Variants in EXOC4 observed in about 807,000 individuals in gnomAD.
The protein encoded by EXOC4 is exocyst complex component 4, also known as SEC8-like 1.
EXOC4 carries 71 observed loss-of-function variants against 107.2 expected under a neutral mutation model. That is an observed-to-expected ratio of 0.66 (90% CI 0.55 to 0.81). The LOEUF is 0.81. Ranked by LOEUF, EXOC4 falls within the 30% of genes least tolerant of loss-of-function variation. The pLI is 0.00. For missense variants in EXOC4, 1,108 were observed against 1,189.6 expected, an observed-to-expected ratio of 0.93 and a Z score of 1.01; for synonymous variants, 456 against 441.2, an observed-to-expected ratio of 1.03 and a Z score of -0.42.
chr7:133,358,223 CCAAA>C (rs994674611), intron 6 of EXOC4, among the ~76,000 whole-genome samples: 6 of 152,004 alleles, frequency 3.9e-5, no homozygotes, highest in African/African-American at 1.4e-4. Context: ...AAAACCAAAA[CCAAA>C]CAAACAAAAA....
At chr7:133,873,471 C>G (rs900095091) in intron 11 of EXOC4, among the ~76,000 whole-genome samples, 3 of 152,126 alleles carry the variant, frequency 2.0e-5, no homozygotes, top group Non-Finnish European at 4.4e-5. Context: ...AAAGTGACGT[C>G]AAAGTAGTGG....
chr7:133,790,276 A>G (rs1180524839), intron 10 of EXOC4, among the ~76,000 whole-genome samples: 1 of 152,236 alleles, frequency 6.6e-6, no homozygotes, highest in Non-Finnish European at 1.5e-5. Flanking sequence ...ATTGATTTTC[A>G]CTGGAAAAGT....
At chr7:133,377,986 A>C (rs1584867295) in intron 7 of EXOC4, among the ~76,000 whole-genome samples, 1 of 152,184 alleles carries the variant, frequency 6.6e-6, no homozygotes, top group Non-Finnish European at 1.5e-5. Flanking sequence ...AGAATTTGTC[A>C]CCACTAGACT....
chr7:133,374,692 TCTG>T (rs1255151100), intron 6 of EXOC4, 133 bp from the exon 7 acceptor site: 4 of 647,228 alleles, frequency 6.2e-6, no homozygotes, highest in African/African-American at 5.5e-5. Context: ...TGAATTCACA[TCTG>T]CTGAAATCTA....
chr7:133,613,146 T>G (rs1450104973), intron 9 of EXOC4, among the ~76,000 whole-genome samples: 4 of 152,150 alleles, frequency 2.6e-5, no homozygotes, highest in Non-Finnish European at 5.9e-5. Context: ...TTAGTCTATT[T>G]TTATCATTTA....
At position 133,630,121 on chromosome 7, in the gene EXOC4, C is replaced by T; in HGVS notation, c.1494C>T (p.Val498=). The T allele has an allele frequency of 6.2e-7, 1 of 1,613,420 alleles. No homozygotes were observed. Among genetic ancestry groups the T allele is most frequent in the Non-Finnish European group, 8.5e-7 (1 of 1,179,450 alleles). ...VCKPGARNIT[V]IFHPLLRFIQ... Reference sequence around the variant, plus strand: ...AACCTGGAGCCAGAAACATTACCGTCATATTCCACCCATTACTAAGGTAAG... The same window carrying T: ...AACCTGGAGCCAGAAACATTACCGTTATATTCCACCCATTACTAAGGTAAG... The change falls in exon 10 of 18, where the codon GTC becomes GTT. Residue 498 remains valine (V), a synonymous_variant. Coordinates refer to ENST00000253861, the MANE Select transcript of EXOC4 (RefSeq NM_021807.4).
chr7:133,471,118 C>T (rs567745204), intron 7 of EXOC4, among the ~76,000 whole-genome samples: 33 of 151,998 alleles, frequency 2.2e-4, no homozygotes, highest in Admixed American at 6.6e-4. Context: ...CTTTGAGATA[C>T]TAAAAAATTC....
the EXOC4 span, among the ~76,000 whole-genome samples, chr7:134,095,946 TAAA>T: frequency 6.6e-6 from 1 of 151,886 alleles, no homozygotes. Flanking sequence ...GCAATTCCAA[TAAA>T]AAAAGTGACA....
downstream of EXOC4, among the ~76,000 whole-genome samples, chr7:134,071,326 A>C (rs1796270819): frequency 6.6e-6 from 1 of 152,240 alleles, no homozygotes; most frequent in Non-Finnish European, 1.5e-5. Context: ...ACAACAGCCA[A>C]TAAGACAAGA....
intron 10 of EXOC4, among the ~76,000 whole-genome samples, chr7:133,672,736 C>T (rs1451027161): frequency 1.3e-5 from 2 of 151,994 alleles, no homozygotes; most frequent in Non-Finnish European, 2.9e-5. Context: ...TCCAGGACAC[C>T]AAGTGAAGAA....
chr7:133,731,560 G>A (rs995564203), intron 10 of EXOC4, among the ~76,000 whole-genome samples: 1 of 152,218 alleles, frequency 6.6e-6, no homozygotes, highest in African/African-American at 2.4e-5. Flanking sequence ...AAATAAAATA[G>A]TAACATGTCT....
chr7:133,933,016 A>C (rs932014625), intron 13 of EXOC4, among the ~76,000 whole-genome samples: 1 of 151,794 alleles, frequency 6.6e-6, no homozygotes, highest in South Asian at 2.1e-4. Context: ...TGTTTCGTTC[A>C]TAATTGCATC....
At chr7:133,709,032 C>A (rs924445506) in intron 10 of EXOC4, among the ~76,000 whole-genome samples, 5 of 152,146 alleles carry the variant, frequency 3.3e-5, no homozygotes, top group African/African-American at 1.2e-4. Context: ...TTGGTTATGT[C>A]TTCAAAGAAA....
intron 10 of EXOC4, among the ~76,000 whole-genome samples, chr7:133,720,310 TATA>T (rs141295210): frequency 2.4e-4 from 36 of 152,292 alleles, no homozygotes; most frequent in African/African-American, 8.4e-4. Context: ...TAGGTTAAAA[TATA>T]ATAATACCTT....
At chr7:133,566,597 G>C (rs1296148218) in intron 9 of EXOC4, among the ~76,000 whole-genome samples, 5 of 152,274 alleles carry the variant, frequency 3.3e-5, no homozygotes, top group Admixed American at 2.6e-4. Flanking sequence ...AAACATCACT[G>C]ATTCATGGTA....
At chr7:133,620,220 T>G (rs1802297304) in intron 9 of EXOC4, among the ~76,000 whole-genome samples, 1 of 151,876 alleles carries the variant, frequency 6.6e-6, no homozygotes, top group Non-Finnish European at 1.5e-5. Context: ...AGAGACCAGG[T>G]TTCACCATCT....
At chr7:133,384,186 A>G (rs1796676987) in intron 7 of EXOC4, among the ~76,000 whole-genome samples, 1 of 152,124 alleles carries the variant, frequency 6.6e-6, no homozygotes, top group African/African-American at 2.4e-5. Flanking sequence ...AATGTCATGG[A>G]CATCTGAATA....
intron 5 of EXOC4, among the ~76,000 whole-genome samples, chr7:133,326,704 G>T (rs561592116): frequency 6.6e-6 from 1 of 152,178 alleles, no homozygotes; most frequent in Non-Finnish European, 1.5e-5. Flanking sequence ...CTCAAATTCC[G>T]TGCTGGGAGA....
chr7:133,698,436 G>T (rs1035466166), intron 10 of EXOC4, among the ~76,000 whole-genome samples: 5 of 152,014 alleles, frequency 3.3e-5, no homozygotes, highest in Non-Finnish European at 7.4e-5. Context: ...ACAAAAATTA[G>T]CTGGGTGTAG....
Sources: gnomAD v4.1 joint callset for allele counts (sites outside exome capture counted in the v4.1 genomes callset) on GRCh38, gnomAD v4.1.1 for gene constraint, MANE v1.5 for transcripts, NCBI Gene and HGNC (gene_info 2026-07-23, HGNC 2026-07-21) for gene names.